Variants in DENND2A observed in about 807,000 individuals in gnomAD.
DENND2A encodes DENN domain-containing protein 2A.
Under a neutral mutation model 105.3 loss-of-function variants are expected in DENND2A, and 53 were observed. That is an observed-to-expected ratio of 0.50 (90% confidence interval 0.40 to 0.63). The LOEUF is 0.63. Among genes scored for constraint, DENND2A ranks in the 30% least tolerant of loss-of-function variants. DENND2A has a pLI of 0.00. For synonymous variants in DENND2A, 522 were observed against 508.4 expected (o/e 1.03, Z -0.36); for missense variants, 1,138 against 1,279.6 (o/e 0.89, Z 1.69).
chr7:140,557,545 T>A lies in DENND2A; in HGVS notation c.1959+598A>T, dbSNP rs1299220115. On this transcript the variant is annotated intron_variant, in intron 11 of 19. Coordinates refer to ENST00000496613, the MANE Select transcript of DENND2A (RefSeq NM_015689.5). ...TATATATATATATTTTTTTTTTTTT[T>A]TTTTTTTTTTTTGAGACGGAGTTTC... Among the ~76,000 whole-genome samples the A allele has an allele frequency of 1.2e-4, 7 of 59,632 alleles. 2 individuals carry two copies. The highest frequency in any genetic ancestry group is 2.9e-4 in the African/African-American group (7 of 23,840). 39.1% of individuals were successfully genotyped at this position (59,632 alleles called of 152,430 possible).
intron 1 of DENND2A, among the ~76,000 whole-genome samples, chr7:140,606,283 G>C (rs2130695546): frequency 6.6e-6 from 1 of 152,260 alleles, no homozygotes; most frequent in Admixed American, 6.5e-5. Context: ...CAAGTGATCT[G>C]CCTGCCTTGG....
rs1798004718 is a variant in DENND2A, at chr7:140,569,578, A to G, written c.1540+67T>C. 8.9e-6 allele frequency: 10 copies of G among 1,128,338 alleles called. No homozygotes were observed. The East Asian group carries it at 2.3e-4, about 26-fold the overall frequency. 69.9% of individuals were successfully genotyped at this position (1,128,338 alleles called of 1,614,324 possible). A position where few individuals can be genotyped will look rare whatever the true frequency, so the allele number is the denominator to read the frequency against. On this transcript the variant is annotated intron_variant, in intron 7 of 19. Coordinates refer to ENST00000496613, the MANE Select transcript of DENND2A (RefSeq NM_015689.5). ...TGGTGAGCCAACCAGAAAAAACAGGAAGCCACTTCTGGAAAGAATCTCTTT... is the reference window on the plus strand; with the variant it reads ...TGGTGAGCCAACCAGAAAAAACAGGGAGCCACTTCTGGAAAGAATCTCTTT...
intron 5 of DENND2A, among the ~76,000 whole-genome samples, chr7:140,582,278 T>C (rs1249960495): frequency 1.3e-5 from 2 of 152,100 alleles, no homozygotes; most frequent in Non-Finnish European, 2.9e-5. Flanking sequence ...GCAGATGTTT[T>C]TCATTGTTCC....
chr7:140,597,193 C>T (rs1016132115), intron 3 of DENND2A, among the ~76,000 whole-genome samples: 12 of 152,094 alleles, frequency 7.9e-5, no homozygotes, highest in Non-Finnish European at 1.5e-4. Flanking sequence ...GATCTGAATC[C>T]GCTGGTTTTG....
In DENND2A at chr7:140,518,429, T is replaced by C; in HGVS notation, c.*278A>G. ...AAACAGAAAACCCACACATTTTTCT[T>C]ACTTTTAATATCTAAGATAAAAAAA... On this transcript the variant is annotated 3_prime_UTR_variant, in exon 20 of 20. Coordinates refer to ENST00000496613, the MANE Select transcript of DENND2A (RefSeq NM_015689.5). The C allele has an allele frequency of 2.7e-6, 1 of 367,142 alleles. No homozygotes were observed. The highest frequency in any genetic ancestry group is 4.9e-6 in the Non-Finnish European group (1 of 205,684). The allele number at this position is 367,142 out of a possible 1,614,324, so 22.7% of individuals were successfully genotyped here. A position where few individuals can be genotyped will look rare whatever the true frequency, so the allele number is the denominator to read the frequency against.
rs1192933004 is a variant in DENND2A at position 140,518,469 on chromosome 7, A to G, written c.*238T>C. The G allele has an allele frequency of 4.5e-6, 2 of 445,664 alleles. No homozygotes were observed. The highest frequency in any genetic ancestry group is 7.9e-6 in the Non-Finnish European group (2 of 252,086). 27.6% of individuals were successfully genotyped at this position (445,664 alleles called of 1,614,324 possible). A position where few individuals can be genotyped will look rare whatever the true frequency, so the allele number is the denominator to read the frequency against. On this transcript the variant is annotated 3_prime_UTR_variant, in exon 20 of 20. Transcript: ENST00000496613. ...AGATAAAAAAAAAAACCCAACCACC[A>G]AAACAACCCATTTGCATGTCGGCGA...
Position 140,525,748 on chromosome 7 carries a change from C to G in DENND2A, c.2547+3G>C, listed in dbSNP as rs777780915. ...GCAGGAGGCCGTCGCTGGCCTCACTCACCTGTCTGAGGAACCGGCTGTTGA... is the reference window on the plus strand; with the variant it reads ...GCAGGAGGCCGTCGCTGGCCTCACTGACCTGTCTGAGGAACCGGCTGTTGA... On this transcript the variant is annotated splice_donor_region_variant and intron_variant, in intron 16 of 19. Transcript: ENST00000496613. The G allele has an allele frequency of 1.9e-6, 3 of 1,607,184 alleles. 1 individual carries two copies. In the South Asian group the frequency reaches 3.4e-5, roughly 18 times the overall value.
chr7:140,606,295 C>A (rs1434822759), intron 1 of DENND2A, among the ~76,000 whole-genome samples: 1 of 152,218 alleles, frequency 6.6e-6, no homozygotes, highest in Non-Finnish European at 1.5e-5. Flanking sequence ...CTGCCTTGGC[C>A]TTCCTAAGTG....
At chr7:140,544,944 G>A (rs755746093) in intron 13 of DENND2A, 178 bp from the exon 14 acceptor site, 6 of 884,164 alleles carry the variant, frequency 6.8e-6, no homozygotes, top group Admixed American at 6.2e-5. Context: ...GCCAGAAGAC[G>A]GGGGGCGGAG....
Position 140,546,838 on chromosome 7 carries a change from G to T in DENND2A, c.2139C>A (p.Thr713=). The T allele has an allele frequency of 6.2e-7, 1 of 1,614,144 alleles. No individual in the cohort carries two copies. Among genetic ancestry groups the T allele is most frequent in the Non-Finnish European group, 8.5e-7 (1 of 1,180,006 alleles). The change falls in exon 13 of 20, where the codon ACC becomes ACA. Residue 713 remains threonine (T), a synonymous_variant. Coordinates refer to ENST00000496613, the MANE Select transcript of DENND2A (RefSeq NM_015689.5). ...CTGGCAGGAAGTTCTTGACAAGGATGGTTTTGCCCAGGGCTGGGAAAGGGG... is the reference window on the plus strand; with the variant it reads ...CTGGCAGGAAGTTCTTGACAAGGATTGTTTTGCCCAGGGCTGGGAAAGGGG... ...MEAPFPALGK[T]ILVKNFLPGS...
intron 1 of DENND2A, among the ~76,000 whole-genome samples, chr7:140,637,890 T>G (rs1447250691): frequency 1.3e-5 from 2 of 152,088 alleles, no homozygotes; most frequent in African/African-American, 4.8e-5. Flanking sequence ...GAGATGGGTG[T>G]CAGCTCTTCC....
chr7:140,527,558 G>A lies in DENND2A; in HGVS notation c.2328-63C>T. 1 of 1,483,234 alleles carries A rather than the reference G, an allele frequency of 6.7e-7. No homozygotes were observed. The highest frequency in any genetic ancestry group is 9.0e-7 in the Non-Finnish European group (1 of 1,106,456). 91.9% of individuals were successfully genotyped at this position (1,483,234 alleles called of 1,614,324 possible). A position where few individuals can be genotyped will look rare whatever the true frequency, so the allele number is the denominator to read the frequency against. On this transcript the variant is annotated intron_variant, in intron 14 of 19. Transcript: ENST00000496613. This position sits in a 1 kb window ranked among gnomAD's most constrained non-coding sequence, Gnocchi z 4.9. ...AGCGAGGGCCCGAGGAAGCCTCCAG[G>A]GGAGAAGGCTCCTCCCAGAGACAGG...
intron 1 of DENND2A, among the ~76,000 whole-genome samples, chr7:140,622,280 C>A (rs1800322410): frequency 6.6e-6 from 1 of 151,996 alleles, no homozygotes; most frequent in Non-Finnish European, 1.5e-5. Context: ...CCTGTAATCT[C>A]AGCTACTCGG....
At chr7:140,595,952 G>A (rs1799267365) in intron 3 of DENND2A, among the ~76,000 whole-genome samples, 1 of 152,130 alleles carries the variant, frequency 6.6e-6, no homozygotes. Flanking sequence ...ACTCAGGAAG[G>A]GCTTTCCTAC....
chr7:140,618,802 CT>C (rs886314678), intron 1 of DENND2A, among the ~76,000 whole-genome samples: 112 of 146,710 alleles, frequency 7.6e-4, no homozygotes, highest in East Asian at 9.9e-4. Context: ...TATATATTTC[CT>C]TTTTTTTTTT....
intron 12 of DENND2A, among the ~76,000 whole-genome samples, chr7:140,551,501 G>C (rs1003571749): frequency 1.3e-5 from 2 of 152,026 alleles, no homozygotes; most frequent in Non-Finnish European, 2.9e-5. Flanking sequence ...CTGTCTAGGA[G>C]CATGGGAGAC....
chr7:140,554,051 C>T (rs1395497331), intron 12 of DENND2A, among the ~76,000 whole-genome samples: 14 of 151,822 alleles, frequency 9.2e-5, no homozygotes, highest in Admixed American at 9.2e-4. Context: ...CATGGTGAAA[C>T]CCCGTCTCTA....
At position 140,559,961 on chromosome 7, in the gene DENND2A, C is replaced by T; in HGVS notation, c.1780-144G>A. 1 of 697,952 alleles carries T rather than the reference C, an allele frequency of 1.4e-6. No individual in the cohort carries two copies. 43.2% of individuals were successfully genotyped at this position (697,952 alleles called of 1,614,324 possible). ...CTTCCCTTGGGAAGAGCTTGCAGCT[C>T]AGTCGGCTGGGGCATTTTCCCCCCA... On this transcript the variant is annotated intron_variant, in intron 9 of 19. Coordinates refer to ENST00000496613, the MANE Select transcript of DENND2A (RefSeq NM_015689.5). The surrounding 1 kb of genome is among the most constrained non-coding windows in gnomAD (Gnocchi z 4.1).
intron 1 of DENND2A, among the ~76,000 whole-genome samples, chr7:140,614,109 ATT>A (rs926658325): frequency 6.6e-6 from 1 of 151,226 alleles, no homozygotes. Flanking sequence ...TTATTTTTTT[ATT>A]TTTTATTTTT....
Sources: allele counts gnomAD v4.1 joint callset (sites outside exome capture counted in the v4.1 genomes callset), GRCh38; gene constraint gnomAD v4.1.1; non-coding constraint Gnocchi (gnomAD v3.1); transcripts MANE v1.5; gene names NCBI Gene and HGNC (gene_info 2026-07-23, HGNC 2026-07-21).